Variants in DYNC2H1 observed in about 807,000 individuals in gnomAD.
The protein encoded by DYNC2H1 is dynein cytoplasmic 2 heavy chain 1, also known as cytoplasmic dynein 2 heavy chain 1.
DYNC2H1 carries 410 observed loss-of-function variants against 570.0 expected under a neutral mutation model. That is an observed-to-expected ratio of 0.72 (90% confidence interval 0.66 to 0.78). The LOEUF is 0.78. DYNC2H1 is among the 30% of genes least tolerant of loss of function. DYNC2H1 has a pLI of 0.00. For synonymous variants in DYNC2H1, 1,688 were observed against 1,677.6 expected (o/e 1.01, Z -0.15); for missense variants, 4,865 against 5,046.4 (o/e 0.96, Z 1.09).
chr11:103,215,550 T>C (rs1192150278), intron 54 of DYNC2H1, among the ~76,000 whole-genome samples, 171 bp from the exon 55 acceptor site: 1 of 152,214 alleles, frequency 6.6e-6, no homozygotes, highest in Non-Finnish European at 1.5e-5. Flanking sequence ...ATGAGTATCA[T>C]GTGAAATAAA....
intron 83 of DYNC2H1, among the ~76,000 whole-genome samples, chr11:103,393,782 T>C (rs1227139527): frequency 6.6e-6 from 1 of 152,214 alleles, no homozygotes; most frequent in Non-Finnish European, 1.5e-5. Flanking sequence ...TAGTTCCATA[T>C]GGCTGGGGAG....
In DYNC2H1 at chr11:103,161,042, G is replaced by A. The variant is rs1190243978; in HGVS notation, c.4489G>A (p.Glu1497Lys). 1 of 1,410,348 alleles carries A rather than the reference G, an allele frequency of 7.1e-7. No individual in the cohort carries two copies. The highest frequency in any genetic ancestry group is 2.7e-5 in the Admixed American group (1 of 36,856). 87.4% of individuals were successfully genotyped at this position (1,410,348 alleles called of 1,614,324 possible). ...TAAAGTTCCTCTATCAAATAATGTA[G>A]AGGTAAGCAATTCTTTTTCAAATAT... is the stretch of plus-strand genomic sequence containing the variant. ...KNKVPLSNNV[E>K]TWLNDLALEM... The change falls in exon 29 of 89, where the codon GAG becomes AAG. Residue 1497 changes from glutamate to lysine, a missense_variant and splice_region_variant. Coordinates refer to ENST00000375735, the MANE Select transcript of DYNC2H1 (RefSeq NM_001377.3).
At position 103,363,138 on chromosome 11, in the gene DYNC2H1, C is replaced by G. The variant is rs1367239973; in HGVS notation, c.12156+4779C>G. Among the ~76,000 whole-genome samples the G allele has an allele frequency of 1.3e-5, 2 of 152,036 alleles. No individual in the cohort carries two copies. The highest frequency in any genetic ancestry group is 1.5e-5 in the Non-Finnish European group (1 of 68,008). On this transcript the variant is annotated intron_variant, in intron 83 of 88. Coordinates refer to ENST00000375735, the MANE Select transcript of DYNC2H1 (RefSeq NM_001377.3). This position sits in a 1 kb window ranked among gnomAD's most constrained non-coding sequence, Gnocchi z 5.6. ...TTGATTTTTATCCTGTTATTTTGCACGAGATGCCTTAGTAATACTACAGTT... is the reference window on the plus strand; with the variant it reads ...TTGATTTTTATCCTGTTATTTTGCAGGAGATGCCTTAGTAATACTACAGTT...
chr11:103,280,382 G>A lies in DYNC2H1; in HGVS notation c.10730G>A (p.Arg3577Gln), dbSNP rs759112374. The A allele has an allele frequency of 4.5e-6, 7 of 1,555,794 alleles. No homozygotes were observed. The highest frequency in any genetic ancestry group is 1.2e-5 in the South Asian group (1 of 84,412). Residue 3577 changes from arginine (R) to glutamine (Q), a missense_variant, in exon 71 of 89, where the codon CGA becomes CAA. Physicochemically the swap from Arg to Gln is conservative, Grantham distance 43. Coordinates refer to ENST00000375735, the MANE Select transcript of DYNC2H1 (RefSeq NM_001377.3). This position sits in a 1 kb window ranked among gnomAD's most constrained non-coding sequence, Gnocchi z 4.7. ...TTGATGTTCGCTTTGCATTTTGTTC[G>A]AGGCATGCATCCTGAACTTTTTCAA... ...DQLMFALHFVRGMHPELFQEN... is the reference protein window; with the variant it reads ...DQLMFALHFVQGMHPELFQEN...
chr11:103,266,438 G>A (rs148981847), intron 70 of DYNC2H1, among the ~76,000 whole-genome samples: 149 of 152,138 alleles, frequency 9.8e-4, no homozygotes, highest in African/African-American at 3.3e-3. Context: ...GGTCTGGGGA[G>A]CATCTTCTCT....
rs773042048 is a variant in DYNC2H1, at chr11:103,479,201, A to G, written c.12872A>G (p.Asn4291Ser). The G allele has an allele frequency of 6.8e-6, 11 of 1,613,794 alleles. No homozygotes were observed. In the Admixed American group the frequency reaches 1.2e-4, roughly 17 times the overall value. ...VTNIDVPCGGNQDQWIQCGAA... is the reference protein window; with the variant it reads ...VTNIDVPCGGSQDQWIQCGAA... Reference sequence around the variant, plus strand: ...AATATTGATGTTCCATGTGGGGGCAACCAAGACCAGTGGATTCAGTGTGGA... The same window carrying G: ...AATATTGATGTTCCATGTGGGGGCAGCCAAGACCAGTGGATTCAGTGTGGA... Residue 4291 changes from asparagine (N) to serine (S), a missense_variant, in exon 89 of 89, where the codon AAC becomes AGC. Transcript: ENST00000375735.
intron 17 of DYNC2H1, among the ~76,000 whole-genome samples, chr11:103,136,395 T>A (rs532926749): frequency 7.8e-6 from 1 of 128,492 alleles, no homozygotes; most frequent in East Asian, 2.7e-4. Flanking sequence ...CCGACAACAG[T>A]CCCCAGAGTG....
At chr11:103,192,381 A>C (rs1565383478) in intron 47 of DYNC2H1, 117 bp downstream of exon 47, 6 of 765,810 alleles carry the variant, frequency 7.8e-6, no homozygotes, top group Non-Finnish European at 1.1e-5. Context: ...TAATTTTAAT[A>C]TTATTTTTCC....
In DYNC2H1 at chr11:103,471,600, T is replaced by C. The variant is rs573819248; in HGVS notation, c.12765+2895T>C. On this transcript the variant is annotated intron_variant, in intron 88 of 88. Transcript: ENST00000375735. ...CATACATGGTAAGTCAAATTTATCCTGTTGTCAATAATTTAAACTTTTATA... is the reference window on the plus strand; with the variant it reads ...CATACATGGTAAGTCAAATTTATCCCGTTGTCAATAATTTAAACTTTTATA... 7.9e-5 allele frequency among the ~76,000 whole-genome samples: 12 copies of C among 152,374 alleles called. No homozygotes were observed. In the East Asian group the frequency reaches 2.1e-3, roughly 27 times the overall value.
chr11:103,155,399 T>G lies in DYNC2H1; in HGVS notation c.3642T>G (p.Phe1214Leu). ...CTCCAGATCACTGGCTTGACCTTTTTCGTCTCCTTGGACTTCCTAGGGGGA... is the reference window on the plus strand; with the variant it reads ...CTCCAGATCACTGGCTTGACCTTTTGCGTCTCCTTGGACTTCCTAGGGGGA... ...HLSPDHWLDLFRLLGLPRGTS... is the reference protein window; with the variant it reads ...HLSPDHWLDLLRLLGLPRGTS... Residue 1214 changes from phenylalanine to leucine, a missense_variant, in exon 25 of 89, where the codon TTT (phenylalanine) becomes TTG (leucine). Transcript: ENST00000375735. 6.2e-7 allele frequency: 1 copy of G among 1,612,640 alleles called. No homozygotes were observed. Among genetic ancestry groups the G allele is most frequent in the Non-Finnish European group, 8.5e-7 (1 of 1,179,172 alleles).
intron 62 of DYNC2H1, 128 bp downstream of exon 62, chr11:103,235,941 A>G: frequency 8.3e-7 from 1 of 1,197,682 alleles, no homozygotes; most frequent in African/African-American, 1.5e-5. Context: ...GGGAAATTTT[A>G]TATGGGTTCC....
At chr11:103,212,289 G>A (rs1051489290) in intron 54 of DYNC2H1, among the ~76,000 whole-genome samples, 2 of 151,934 alleles carry the variant, frequency 1.3e-5, no homozygotes, top group South Asian at 4.2e-4. Flanking sequence ...GGACTTTGGG[G>A]ACTTGGGGGT....
chr11:103,197,459 AT>A (rs916544815), intron 47 of DYNC2H1, among the ~76,000 whole-genome samples: 2 of 151,854 alleles, frequency 1.3e-5, no homozygotes, highest in African/African-American at 2.4e-5. Flanking sequence ...CTATTTATTT[AT>A]TTTTTTGAGA....
At chr11:103,262,633 T>G (rs1333085253) in intron 70 of DYNC2H1, among the ~76,000 whole-genome samples, 1 of 152,044 alleles carries the variant, frequency 6.6e-6, no homozygotes, top group Non-Finnish European at 1.5e-5. Context: ...ATAAAATCCT[T>G]TACAGACAAG....
chr11:103,416,024 A>G (rs1378825667), intron 84 of DYNC2H1, among the ~76,000 whole-genome samples: 1 of 152,198 alleles, frequency 6.6e-6, no homozygotes, highest in African/African-American at 2.4e-5. Context: ...GCTAGAAACC[A>G]TCATTCTCAG....
chr11:103,351,428 A>C (rs554391160), intron 82 of DYNC2H1, among the ~76,000 whole-genome samples: 146 of 152,262 alleles, frequency 9.6e-4, no homozygotes, highest in African/African-American at 3.2e-3. Context: ...ATATGGGAGG[A>C]GAAGAACATT....
chr11:103,412,204 G>T (rs892772932), intron 84 of DYNC2H1, among the ~76,000 whole-genome samples: 2 of 152,036 alleles, frequency 1.3e-5, no homozygotes, highest in Non-Finnish European at 2.9e-5. Context: ...GATGCCATAC[G>T]ATTTAATGTG....
At chr11:103,135,676 A>C in intron 16 of DYNC2H1, 42 bp downstream of exon 16, 1 of 1,606,644 alleles carries the variant, frequency 6.2e-7, no homozygotes, top group Non-Finnish European at 8.5e-7. Flanking sequence ...TCATTGTATA[A>C]TTTTCTAACA....
In DYNC2H1 at chr11:103,311,964, A is replaced by G; in HGVS notation, c.11580A>G (p.Arg3860=). The G allele has an allele frequency of 1.9e-6, 3 of 1,613,824 alleles. No homozygotes were observed. Among genetic ancestry groups the G allele is most frequent in the Non-Finnish European group, 2.5e-6 (3 of 1,179,828 alleles). The change falls in exon 79 of 89, where the codon CGA becomes CGG. Residue 3860 remains arginine (R), a synonymous_variant. Transcript: ENST00000375735. ...EQISKKDNTH[R]AHALFSLAWF... is the part of the protein sequence containing the mutation. ...TTAGCAAAAAAGATAATACACATCG[A>G]GCTCATGCTCTCTTCAGTCTTGCAT...
Sources: gnomAD v4.1 joint callset for allele counts (sites outside exome capture counted in the v4.1 genomes callset) on GRCh38, gnomAD v4.1.1 for gene constraint, Gnocchi (gnomAD v3.1) non-coding constraint, MANE v1.5 for transcripts, NCBI Gene and HGNC (gene_info 2026-07-23, HGNC 2026-07-21) for gene names.